Variants in CFAP20DC observed in about 807,000 individuals in gnomAD.
The protein encoded by CFAP20DC is CFAP20 domain containing.
CFAP20DC carries 84 observed loss-of-function variants against 101.7 expected under a neutral mutation model. The ratio of observed to expected loss-of-function variants is 0.83; its 90% CI spans 0.69 to 0.99. The LOEUF (loss-of-function observed/expected upper bound fraction) is 0.99. Ranked by LOEUF, CFAP20DC falls within the 50% of genes least tolerant of loss-of-function variation. CFAP20DC has a pLI of 0.00. For synonymous variants in CFAP20DC, 359 were observed against 351.2 expected, an observed-to-expected ratio of 1.02 and a Z score of -0.25; for missense variants, 1,007 against 970.3, an observed-to-expected ratio of 1.04 and a Z score of -0.50.
At chr3:58,794,092 C>T (rs550385928) in intron 15 of CFAP20DC, 14 of 226,418 alleles carry the variant, frequency 6.2e-5, no homozygotes, top group African/African-American at 1.8e-4. Context: ...CATTTGGTCT[C>T]GCTTGTTACT....
At chr3:58,792,465 C>T (rs2072934862) in intron 15 of CFAP20DC, among the ~76,000 whole-genome samples, 1 of 152,068 alleles carries the variant, frequency 6.6e-6, no homozygotes, top group African/African-American at 2.4e-5. Context: ...TTCAATGCTT[C>T]ATAGGAATTT....
At chr3:58,835,071 A>AT (rs1380616988) in intron 13 of CFAP20DC, among the ~76,000 whole-genome samples, 1 of 151,962 alleles carries the variant, frequency 6.6e-6, no homozygotes, top group Non-Finnish European at 1.5e-5. Flanking sequence ...TGTTCTTATT[A>AT]TTTTTTCCTC....
In CFAP20DC at chr3:58,799,600, T is replaced by C. The variant is rs191953700; in HGVS notation, c.2237+6795A>G. ...CTCTTATGTGCCTATTTTTTATGTG[T>C]CTCCTATGTGCTTGGCAAGTATATC... is the stretch of plus-strand genomic sequence containing the variant. On this transcript the variant is annotated intron_variant, in intron 15 of 16. Transcript: ENST00000482387. The surrounding 1 kb of genome is among the most constrained non-coding windows in gnomAD (Gnocchi z 4.9). Among the ~76,000 whole-genome samples, 2 of 152,222 alleles carry C rather than the reference T, an allele frequency of 1.3e-5. No homozygotes were observed. Among genetic ancestry groups the C allele is most frequent in the East Asian group, 3.9e-4 (2 of 5,172 alleles).
At position 58,868,151 on chromosome 3, in the gene CFAP20DC, T is replaced by A. The variant is rs1244229090; in HGVS notation, c.1016-215A>T. Among the ~76,000 whole-genome samples the A allele has an allele frequency of 6.6e-6, 1 of 152,196 alleles. No individual in the cohort carries two copies. The highest frequency in any genetic ancestry group is 1.9e-4 in the East Asian group (1 of 5,206). ...AGGCTTTCAAAATTACTGAAACACT[T>A]TATTCATGTAATATAACCTTATAGA... On this transcript the variant is annotated intron_variant, in intron 9 of 16. Coordinates refer to ENST00000482387, the MANE Select transcript of CFAP20DC (RefSeq NM_001394063.1). The surrounding 1 kb of genome is among the most constrained non-coding windows in gnomAD (Gnocchi z 4.6).
intron 12 of CFAP20DC, among the ~76,000 whole-genome samples, chr3:58,852,249 A>T (rs2078316312): frequency 6.6e-6 from 1 of 152,158 alleles, no homozygotes; most frequent in Non-Finnish European, 1.5e-5. Flanking sequence ...TTCCATTGAA[A>T]GCTCTGCTCT....
rs1428952049 is a variant in CFAP20DC, at chr3:58,729,095, C to A, written c.198-11467G>T. Among the ~76,000 whole-genome samples, 2 of 152,094 alleles carry A rather than the reference C, an allele frequency of 1.3e-5. No homozygotes were observed. Reference sequence around the variant, plus strand: ...AACCTTCAGATGGCTGCAGTCTGGACCAAAAAATCTTGACTGCAACCTCAT... The same window carrying A: ...AACCTTCAGATGGCTGCAGTCTGGAACAAAAAATCTTGACTGCAACCTCAT... On this transcript the variant is annotated intron_variant, in intron 3 of 3. Coordinates refer to the CFAP20DC transcript ENST00000486145. The surrounding 1 kb of genome is among the most constrained non-coding windows in gnomAD (Gnocchi z 4.4).
chr3:58,817,407 A>T lies in CFAP20DC; in HGVS notation c.2176-10951T>A, dbSNP rs1206934168. ...AAAACTTCGAAAAAAATTTAGAAGA[A>T]TGTATAACTAGAATAACCAATACAG... On this transcript the variant is annotated intron_variant, in intron 14 of 16. Coordinates refer to ENST00000482387, the MANE Select transcript of CFAP20DC (RefSeq NM_001394063.1). Among the ~76,000 whole-genome samples, 5 of 150,384 alleles carry T rather than the reference A, an allele frequency of 3.3e-5. No homozygotes were observed. The East Asian group carries it at 9.8e-4, about 29-fold the overall frequency.
intron 13 of CFAP20DC, among the ~76,000 whole-genome samples, chr3:58,842,062 A>C (rs1447281095): frequency 1.3e-5 from 2 of 152,230 alleles, no homozygotes; most frequent in African/African-American, 4.8e-5. Flanking sequence ...AGATAACTCT[A>C]TTAAAGTATG....
At chr3:58,898,121 A>G (rs2082820752) in intron 6 of CFAP20DC, among the ~76,000 whole-genome samples, 2 of 149,756 alleles carry the variant, frequency 1.3e-5, no homozygotes, top group Non-Finnish European at 3.0e-5. Flanking sequence ...TTTTGGAAAG[A>G]TAGTCTTCAA....
chr3:58,926,266 T>G (rs1451736438), intron 5 of CFAP20DC, among the ~76,000 whole-genome samples: 1 of 151,734 alleles, frequency 6.6e-6, no homozygotes, highest in Non-Finnish European at 1.5e-5. Flanking sequence ...CTCAGGAGGC[T>G]GAGGCAGGAG....
rs546118725 is a variant in CFAP20DC, at chr3:58,894,101, C to T, written c.551-9392G>A. On this transcript the variant is annotated intron_variant, in intron 6 of 16. Transcript: ENST00000482387. The surrounding 1 kb of genome is among the most constrained non-coding windows in gnomAD (Gnocchi z 4.1). The stretch of plus-strand genomic sequence containing the variant: ...GCAATTACCTCCTACTGAGTCCCTC[C>T]CACAACACGTGGGAATTCAAGATGA... Among the ~76,000 whole-genome samples, 3 of 152,244 alleles carry T rather than the reference C, an allele frequency of 2.0e-5. No homozygotes were observed. The highest frequency in any genetic ancestry group is 7.2e-5 in the African/African-American group (3 of 41,562).
chr3:58,737,993 C>G (rs2067796568), downstream of CFAP20DC, among the ~76,000 whole-genome samples: 1 of 152,146 alleles, frequency 6.6e-6, no homozygotes, highest in African/African-American at 2.4e-5. The surrounding 1 kb of genome is among the most constrained non-coding windows in gnomAD (Gnocchi z 4.1). Flanking sequence ...AAAGAATGAT[C>G]TTGATTGTCC....
chr3:58,775,386 T>G (rs2071230639), intron 15 of CFAP20DC, among the ~76,000 whole-genome samples: 1 of 152,070 alleles, frequency 6.6e-6, no homozygotes, highest in South Asian at 2.1e-4. Context: ...TCAGCTTGAA[T>G]TTTCCTTAGC....
rs558868026 is a variant in CFAP20DC at position 58,929,855 on chromosome 3, T to A, written c.393+7793A>T. ...CAGAACTTCTTATTGAAGTTACTTA[T>A]GATTGCCACGCTCCCTAAATACTTT... On this transcript the variant is annotated intron_variant, in intron 5 of 16. Transcript: ENST00000482387. Among the ~76,000 whole-genome samples the A allele has an allele frequency of 6.6e-5, 10 of 152,324 alleles. No individual in the cohort carries two copies. In the South Asian group the frequency reaches 2.1e-3, roughly 32 times the overall value.
intron 6 of CFAP20DC, among the ~76,000 whole-genome samples, chr3:58,891,203 A>T (rs1178911858): frequency 1.3e-5 from 2 of 151,686 alleles, no homozygotes; most frequent in African/African-American, 4.9e-5. Context: ...CTGGCGGATC[A>T]CTCGCGGTTA....
At chr3:58,979,346 A>G (rs1198997637) in intron 4 of CFAP20DC, among the ~76,000 whole-genome samples, 2 of 152,220 alleles carry the variant, frequency 1.3e-5, no homozygotes, top group African/African-American at 4.8e-5. Context: ...AAATTGCTAT[A>G]AGGATTGAAT....
intron 15 of CFAP20DC, among the ~76,000 whole-genome samples, chr3:58,767,286 G>A (rs1449628627): frequency 6.6e-6 from 1 of 151,862 alleles, no homozygotes; most frequent in Non-Finnish European, 1.5e-5. Context: ...TCCTTACCAT[G>A]TATTCAATAT....
At chr3:59,033,165 AG>A (rs1345816733) in intron 4 of CFAP20DC, among the ~76,000 whole-genome samples, 4 of 152,210 alleles carry the variant, frequency 2.6e-5, no homozygotes, top group Non-Finnish European at 5.9e-5. Flanking sequence ...ATCAACAAAA[AG>A]GATGTCCACA....
intron 5 of CFAP20DC, among the ~76,000 whole-genome samples, chr3:58,925,740 G>A (rs1417139013): frequency 6.6e-6 from 1 of 152,118 alleles, no homozygotes; most frequent in African/African-American, 2.4e-5. Flanking sequence ...TCTAACTGTT[G>A]AGGAAACTAA....
Sources: gnomAD v4.1 joint callset for allele counts (sites outside exome capture counted in the v4.1 genomes callset) on GRCh38, gnomAD v4.1.1 for gene constraint, Gnocchi (gnomAD v3.1) non-coding constraint, MANE v1.5 for transcripts, NCBI Gene and HGNC (gene_info 2026-07-23, HGNC 2026-07-21) for gene names.